PRX: variants seen among roughly 807,000 people sequenced by gnomAD.
PRX encodes periaxin.
In PRX, 24 loss-of-function variants were observed where a neutral mutation model predicts 29.6. The ratio of observed to expected loss-of-function variants is 0.81; its 90% CI spans 0.59 to 1.14. PRX has a LOEUF of 1.14. PRX is among the 50% of genes most tolerant of loss of function. The pLI is 0.00. For synonymous variants in PRX, 772 were observed against 831.7 expected (o/e 0.93, Z 1.24); for missense variants, 1,838 against 1,926.4 (o/e 0.95, Z 0.86).
At chr19:40,407,066 G>A (rs1183819594) in intron 4 of PRX, among the ~76,000 whole-genome samples, 1 of 151,322 alleles carries the variant, frequency 6.6e-6, no homozygotes, top group African/African-American at 2.4e-5. Context: ...GAGCCACTGC[G>A]CCCAGCCCCA....
intron 1 of PRX, among the ~76,000 whole-genome samples, chr19:40,409,055 C>G (rs111256275): frequency 3.5e-4 from 53 of 152,074 alleles, no homozygotes; most frequent in African/African-American, 1.2e-3. Flanking sequence ...TTTCACCATG[C>G]TGGCCAGGCT....
In PRX at chr19:40,397,223, C is replaced by A. The variant is rs754081921; in HGVS notation, c.1129G>T (p.Val377Leu). ...CTGGCCTCAGGGCTGACCTTGGCTA[C>A]CTTGGCCTCAGCAACTTCCTTTGCT... ...ARAKEVAEAK[V>L]AKVSPEARVK... is the part of the protein sequence containing the mutation. The change falls in exon 7 of 7, where the codon GTA becomes TTA. Residue 377 changes from valine (V) to leucine (L), a missense_variant. Physicochemically the swap from Val to Leu is conservative, Grantham distance 32 (BLOSUM62 1). This residue lies in a region of PRX where 666 missense variants were observed against 665.0 expected (regional missense o/e 1.00). Coordinates refer to ENST00000324001, the MANE Select transcript of PRX (RefSeq NM_181882.3). 8.2e-5 allele frequency: 133 copies of A among 1,613,812 alleles called. No individual in the cohort carries two copies. Among genetic ancestry groups the A allele is most frequent in the Non-Finnish European group, 2.2e-5 (26 of 1,180,044 alleles).
intron 4 of PRX, 78 bp downstream of exon 4, chr19:40,407,828 G>T: frequency 6.3e-7 from 1 of 1,593,384 alleles, no homozygotes; most frequent in Non-Finnish European, 8.6e-7. Context: ...AGAGAGGCCA[G>T]AAAGTGTCTC....
At chr19:40,404,144 C>T (rs553524407) in intron 4 of PRX, among the ~76,000 whole-genome samples, 1 of 152,186 alleles carries the variant, frequency 6.6e-6, no homozygotes, top group Admixed American at 6.5e-5. Context: ...ACACGCCCCT[C>T]GGCGCTGCCC....
chr19:40,403,920 C>T (rs2079514536), intron 4 of PRX, 58 bp from the exon 5 acceptor site: 1 of 1,572,684 alleles, frequency 6.4e-7, no homozygotes. Context: ...CGCCCAGAGC[C>T]CGCCATTGCG....
chr19:40,400,579 C>T (rs1486483739), intron 5 of PRX, among the ~76,000 whole-genome samples: 4 of 90,158 alleles, frequency 4.4e-5, no homozygotes, highest in East Asian at 2.4e-4. Context: ...GCAACAAGAG[C>T]GAAATTCCAT....
chr19:40,396,308 C>T lies in PRX; in HGVS notation c.2044G>A (p.Glu682Lys), dbSNP rs761277865. ...TCTGAGACTTTTGGCAGCTGCACCT[C>T]GGGGAGTCGAACCTCTGGCACAGCC... ...EMAVPEVRLPEVQLPKVSEMK... is the reference protein window; with the variant it reads ...EMAVPEVRLPKVQLPKVSEMK... The change falls in exon 7 of 7, where the codon GAG becomes AAG. Residue 682 changes from glutamate to lysine, a missense_variant. Coordinates refer to ENST00000324001, the MANE Select transcript of PRX (RefSeq NM_181882.3). 127 of 1,610,102 alleles carry T rather than the reference C, an allele frequency of 7.9e-5. No individual in the cohort carries two copies. Among genetic ancestry groups the T allele is most frequent in the Non-Finnish European group, 3.1e-5 (36 of 1,179,458 alleles).
chr19:40,405,975 G>A (rs148049176), intron 4 of PRX, among the ~76,000 whole-genome samples: 1,883 of 151,230 alleles, frequency 0.012, 43 homozygotes, highest in African/African-American at 0.043. Flanking sequence ...GGCCAGGCGC[G>A]GTAGCTCACA....
Position 40,398,558 on chromosome 19 carries a change from C to T in PRX, c.381+62G>A, listed in dbSNP as rs1369283886. The T allele has an allele frequency of 1.2e-6, 2 of 1,602,258 alleles. No individual in the cohort carries two copies. The highest frequency in any genetic ancestry group is 1.7e-6 in the Non-Finnish European group (2 of 1,174,808). On this transcript the variant is annotated intron_variant, in intron 6 of 6. Coordinates refer to ENST00000324001, the MANE Select transcript of PRX (RefSeq NM_181882.3). This position sits in a 1 kb window ranked among gnomAD's most constrained non-coding sequence, Gnocchi z 6.3. ...GCCCACGATGGCGGGGAATGGGGCT[C>T]ACGGCGCAGAGACCGGATCGCTGGG...
At chr19:40,412,089 G>A (rs2079561028) in intron 1 of PRX, among the ~76,000 whole-genome samples, 1 of 152,214 alleles carries the variant, frequency 6.6e-6, no homozygotes, top group African/African-American at 2.4e-5. Context: ...GGGATCGGCT[G>A]AGGGCATTGC....
At chr19:40,401,374 C>T (rs117343164) in intron 5 of PRX, among the ~76,000 whole-genome samples, 93 of 152,266 alleles carry the variant, frequency 6.1e-4, no homozygotes, top group South Asian at 3.3e-3. Flanking sequence ...CTCATTGCAG[C>T]TTCAGTCTCC....
chr19:40,400,760 C>T (rs1388198851), intron 5 of PRX, among the ~76,000 whole-genome samples: 1 of 152,068 alleles, frequency 6.6e-6, no homozygotes, highest in Non-Finnish European at 1.5e-5. Flanking sequence ...CTCTTAAAGA[C>T]ACACTACCCC....
Position 40,395,104 on chromosome 19 carries a change from G to A in PRX, c.3248C>T (p.Pro1083Leu), listed in dbSNP as rs3745202. 1.6e-5 allele frequency: 26 copies of A among 1,613,690 alleles called. No homozygotes were observed. The highest frequency in any genetic ancestry group is 6.7e-5 in the African/African-American group (5 of 74,976). Residue 1083 changes from proline to leucine, a missense_variant, in exon 7 of 7, where the codon CCG (proline) becomes CTG (leucine). Pro to Leu is a moderately conservative substitution (Grantham distance 98, BLOSUM62 -3). Transcript: ENST00000324001. ...AGCGGTGGACTCAGCCTTTTCCCCC[G>A]GGCTGGCACGATCACCTTGAACTTC... ...EAEVQGDRAS[P>L]GEKAESTAVQ...
chr19:40,397,928 G>T lies in PRX; in HGVS notation c.424C>A (p.Pro142Thr), dbSNP rs1170450647. The change falls in exon 7 of 7, where the codon CCT becomes ACT. Residue 142 changes from proline to threonine, a missense_variant. By Grantham distance (38) the Pro-to-Thr change is conservative. This residue lies in a region of PRX where 666 missense variants were observed against 665.0 expected (regional missense o/e 1.00). Coordinates refer to ENST00000324001, the MANE Select transcript of PRX (RefSeq NM_181882.3). ...TCAGCGGGGACCCCCAGAGCCCCAG[G>T]CACCATCTTCTTCTTCTTCACAGGG... ...LSPVKKKKMV[P>T]GALGVPADLA... 1.2e-6 allele frequency: 2 copies of T among 1,612,784 alleles called. No homozygotes were observed. The highest frequency in any genetic ancestry group is 3.3e-5 in the Admixed American group (2 of 59,842).
Position 40,398,142 on chromosome 19 carries a change from A to C in PRX, c.382-172T>G. 1 of 1,433,934 alleles carries C rather than the reference A, an allele frequency of 7.0e-7. No homozygotes were observed. Among genetic ancestry groups the C allele is most frequent in the Non-Finnish European group, 9.1e-7 (1 of 1,098,328 alleles). The allele number at this position is 1,433,934 out of a possible 1,614,324, so 88.8% of individuals were successfully genotyped here. ...TCATTTCACCATGAGTGCCCAGGAA[A>C]GCAGGCAGCCATCTAGGATCTCCAA... is the stretch of plus-strand genomic sequence containing the variant. On this transcript the variant is annotated intron_variant, in intron 6 of 6. Transcript: ENST00000324001. The surrounding 1 kb of genome is among the most constrained non-coding windows in gnomAD (Gnocchi z 6.3).
chr19:40,413,438 C>T (rs1261800051), upstream of PRX: 1 of 152,272 alleles, frequency 6.6e-6, no homozygotes, highest in Non-Finnish European at 1.5e-5. Context: ...GAGAGAGAGA[C>T]CCCAGCCATT....
chr19:40,408,910 A>G (rs1215102205), intron 1 of PRX, among the ~76,000 whole-genome samples: 1 of 151,884 alleles, frequency 6.6e-6, no homozygotes, highest in Non-Finnish European at 1.5e-5. Flanking sequence ...GGCTCACTGC[A>G]GCCTCCAACT....
intron 5 of PRX, among the ~76,000 whole-genome samples, chr19:40,399,380 G>A (rs1015408538): frequency 1.3e-5 from 2 of 152,076 alleles, no homozygotes; most frequent in African/African-American, 4.8e-5. Flanking sequence ...TCACTCCCCC[G>A]GAGCTCCTGC....
At position 40,397,562 on chromosome 19, in the gene PRX, C is replaced by T. The variant is rs754783537; in HGVS notation, c.790G>A (p.Gly264Ser). 1.9e-6 allele frequency: 3 copies of T among 1,541,138 alleles called. No individual in the cohort carries two copies. Among genetic ancestry groups the T allele is most frequent in the Non-Finnish European group, 2.6e-6 (3 of 1,145,764 alleles). The change falls in exon 7 of 7, where the codon GGT (glycine) becomes AGT (serine). Residue 264 changes from glycine (G) to serine (S), a missense_variant. Transcript: ENST00000324001. Reference protein sequence around the residue: ...PKAAPSAEAAGGFALHLPTLG... With the variant: ...PKAAPSAEAASGFALHLPTLG... ...GTTGGCAGGTGGAGGGCAAAGCCAC[C>T]AGCTGCCTCTGCTGAGGGGGCAGCC...
Sources: gnomAD v4.1 joint callset for allele counts (sites outside exome capture counted in the v4.1 genomes callset) on GRCh38, gnomAD v4.1.1 for gene constraint, gnomAD v4.1.1 regional missense constraint, Gnocchi (gnomAD v3.1) non-coding constraint, MANE v1.5 for transcripts, NCBI Gene and HGNC (gene_info 2026-07-23, HGNC 2026-07-21) for gene names.